The following TESMIN variants were observed in gnomAD, a reference collection of about 807,000 sequenced individuals.
TESMIN encodes CXC domain containing 2.
In TESMIN, 34 loss-of-function variants were observed where a neutral mutation model predicts 47.4. That is an observed-to-expected ratio of 0.72 (90% confidence interval 0.55 to 0.96). The LOEUF (loss-of-function observed/expected upper bound fraction) is 0.96, where lower values mean the gene tolerates loss of function less well. Among genes scored for constraint, TESMIN ranks in the 40% least tolerant of loss-of-function variants. The pLI is 0.00. For synonymous variants in TESMIN, 278 were observed against 258.9 expected (o/e 1.07, Z -0.71); for missense variants, 610 against 637.2 (o/e 0.96, Z 0.46).
Position 68,750,233 on chromosome 11 carries a change from C to A in TESMIN, c.428G>T (p.Trp143Leu). Reference protein sequence around the residue: ...RSPAVLPLGAWVLEGASHPGV... With the variant: ...RSPAVLPLGALVLEGASHPGV... ...CGGGTGGGAGGCTCCTTCCAGGACC[C>A]AGGCGCCCAGGGGCAACACCGCCGG... Residue 143 changes from tryptophan (W) to leucine (L), a missense_variant, in exon 2 of 10, where the codon TGG becomes TTG. Trp to Leu is a moderately conservative substitution (Grantham distance 61). Transcript: ENST00000255087. 6.5e-7 allele frequency: 1 copy of A among 1,527,498 alleles called. No individual in the cohort carries two copies. Among genetic ancestry groups the A allele is most frequent in the Non-Finnish European group, 8.7e-7 (1 of 1,148,682 alleles). 94.6% of individuals were successfully genotyped at this position (1,527,498 alleles called of 1,614,324 possible). A position where few individuals can be genotyped will look rare whatever the true frequency, so the allele number is the denominator to read the frequency against.
intron 4 of TESMIN, 119 bp downstream of exon 4, chr11:68,744,872 G>C: frequency 1.2e-6 from 1 of 816,958 alleles, no homozygotes; most frequent in Non-Finnish European, 1.8e-6. Flanking sequence ...GGACTACGAG[G>C]TTTGCCAAAT....
rs547731210 is a variant in TESMIN, at chr11:68,723,980, A to G, written c.918-8041T>C. Among the ~76,000 whole-genome samples the G allele has an allele frequency of 1.4e-4, 22 of 152,304 alleles. 1 individual carries two copies. The South Asian group carries it at 3.9e-3, about 27-fold the overall frequency. On this transcript the variant is annotated intron_variant, in intron 6 of 9. Coordinates refer to ENST00000255087, the MANE Select transcript of TESMIN (RefSeq NM_004923.3). The stretch of plus-strand genomic sequence containing the variant: ...GAACAAATAAATCCTACCTTACCCA[A>G]ACTTTTTTAGAGGCTAGAGAAAAAG...
chr11:68,739,730 T>C (rs1371690537), intron 5 of TESMIN, among the ~76,000 whole-genome samples: 1 of 152,172 alleles, frequency 6.6e-6, no homozygotes, highest in Non-Finnish European at 1.5e-5. Flanking sequence ...CCCAGGCTTC[T>C]TCCCGGGAAA....
intron 9 of TESMIN, 127 bp from the exon 10 acceptor site, chr11:68,708,627 G>A (rs529828687): frequency 1.4e-5 from 13 of 910,202 alleles, no homozygotes; most frequent in Admixed American, 3.3e-5. Flanking sequence ...AAAATCTAAC[G>A]TTGTCTTCCT....
chr11:68,711,278 AGT>A (rs200016552), intron 8 of TESMIN, among the ~76,000 whole-genome samples: 39 of 143,580 alleles, frequency 2.7e-4, no homozygotes, highest in East Asian at 6.2e-4. Context: ...AATGTGTAAG[AGT>A]GTGTGTGTGT....
chr11:68,744,911 CA>C, intron 4 of TESMIN, 79 bp downstream of exon 4: 1 of 1,235,650 alleles, frequency 8.1e-7, no homozygotes, highest in South Asian at 1.6e-5. Flanking sequence ...GTTGCCATTT[CA>C]CTTTATATAC....
chr11:68,744,970 T>C, intron 4 of TESMIN, 21 bp downstream of exon 4: 1 of 1,516,030 alleles, frequency 6.6e-7, no homozygotes, highest in Non-Finnish European at 8.8e-7. Context: ...ACATAGTTTT[T>C]TTTATTAATT....
chr11:68,724,163 T>C (rs555847784), intron 6 of TESMIN, among the ~76,000 whole-genome samples: 1 of 152,316 alleles, frequency 6.6e-6, no homozygotes, highest in East Asian at 1.9e-4. Flanking sequence ...AATCTTACAG[T>C]ACATAATAAT....
intron 1 of TESMIN, 115 bp downstream of exon 1, chr11:68,751,305 G>GCCGCCCT (rs1477367927): frequency 1.3e-5 from 2 of 152,686 alleles, no homozygotes; most frequent in Non-Finnish European, 2.9e-5. Context: ...CCCACGGCCC[G>GCCGCCCT]CCGCCCTCCG....
chr11:68,750,339 C>T lies in TESMIN; in HGVS notation c.322G>A (p.Asp108Asn). Residue 108 changes from aspartate to asparagine, a missense_variant, in exon 2 of 10, where the codon GAC becomes AAC. Coordinates refer to ENST00000255087, the MANE Select transcript of TESMIN (RefSeq NM_004923.3). ...PGIPELSALE[D>N]VALLQAPQPP... The stretch of plus-strand genomic sequence containing the variant: ...TGCGGGGCCTGCAGGAGCGCGACGT[C>T]CTCCAGCGCGCTGAGCTCTGGGATC... 6.6e-7 allele frequency: 1 copy of T among 1,505,690 alleles called. No homozygotes were observed. Among genetic ancestry groups the T allele is most frequent in the Admixed American group, 2.2e-5 (1 of 45,000 alleles). 93.3% of individuals were successfully genotyped at this position (1,505,690 alleles called of 1,614,324 possible). A position where few individuals can be genotyped will look rare whatever the true frequency, so the allele number is the denominator to read the frequency against.
intron 6 of TESMIN, among the ~76,000 whole-genome samples, chr11:68,719,421 G>C (rs1946179257): frequency 6.6e-6 from 1 of 152,196 alleles, no homozygotes; most frequent in Admixed American, 6.5e-5. Flanking sequence ...CTCATGTCTG[G>C]GTGTGGGAAA....
intron 9 of TESMIN, chr11:68,710,487 G>A (rs1326738539): frequency 2.9e-5 from 5 of 174,318 alleles, no homozygotes; most frequent in Admixed American, 6.3e-5. Flanking sequence ...CACTTCCCAC[G>A]ATAAAGGATA....
At chr11:68,743,869 A>G (rs957200210) in intron 4 of TESMIN, among the ~76,000 whole-genome samples, 6 of 152,216 alleles carry the variant, frequency 3.9e-5, no homozygotes, top group Non-Finnish European at 7.3e-5. Context: ...AAGGAGATGC[A>G]GGTGGGGGGA....
intron 6 of TESMIN, among the ~76,000 whole-genome samples, chr11:68,732,062 G>C (rs1001062698): frequency 6.6e-6 from 1 of 152,222 alleles, no homozygotes; most frequent in Non-Finnish European, 1.5e-5. Context: ...GTTGAGCACA[G>C]AATTCGAGGT....
chr11:68,726,363 T>C (rs1946264217), intron 6 of TESMIN, among the ~76,000 whole-genome samples: 1 of 152,086 alleles, frequency 6.6e-6, no homozygotes, highest in African/African-American at 2.4e-5. Context: ...AAGTTGGAAG[T>C]GCCACCAAGC....
chr11:68,748,400 A>T (rs1444114661), intron 2 of TESMIN, among the ~76,000 whole-genome samples: 1 of 150,502 alleles, frequency 6.6e-6, no homozygotes, highest in East Asian at 1.9e-4. Context: ...AAATACACAT[A>T]AAATTTTCTT....
At chr11:68,730,884 C>T (rs1946319309) in intron 6 of TESMIN, among the ~76,000 whole-genome samples, 1 of 152,112 alleles carries the variant, frequency 6.6e-6, no homozygotes. Context: ...TACATCAACA[C>T]CATTTTAATC....
chr11:68,729,339 C>A (rs1946301091), intron 6 of TESMIN, among the ~76,000 whole-genome samples: 2 of 149,512 alleles, frequency 1.3e-5, no homozygotes, highest in African/African-American at 2.5e-5. Context: ...TCCTGGCCAA[C>A]ATGGTGAAAC....
chr11:68,735,473 T>C (rs986452463), intron 6 of TESMIN, among the ~76,000 whole-genome samples: 2 of 152,180 alleles, frequency 1.3e-5, no homozygotes, highest in African/African-American at 4.8e-5. Context: ...AGGCATTTAC[T>C]ATAAATCACT....
Sources: allele counts gnomAD v4.1 joint callset (sites outside exome capture counted in the v4.1 genomes callset), GRCh38; gene constraint gnomAD v4.1.1; transcripts MANE v1.5; gene names NCBI Gene and HGNC (gene_info 2026-07-23, HGNC 2026-07-21).